Variants in DCC observed in about 807,000 individuals in gnomAD.
DCC encodes the protein DCC netrin 1 receptor.
Under a neutral mutation model 172.5 loss-of-function variants are expected in DCC, and 58 were observed. The observed-to-expected ratio is 0.34, with a 90% confidence interval of 0.27 to 0.42. The LOEUF is 0.42. Ranked by LOEUF, DCC falls within the 10% of genes least tolerant of loss-of-function variation. The pLI is 1.00. For synonymous variants in DCC, 709 were observed against 644.5 expected (o/e 1.10, Z -1.52); for missense variants, 1,740 against 1,791.0 (o/e 0.97, Z 0.51).
At chr18:52,786,245 A>C (rs988013914) in intron 2 of DCC, among the ~76,000 whole-genome samples, 1 of 151,546 alleles carries the variant, frequency 6.6e-6, no homozygotes, top group African/African-American at 2.4e-5. Flanking sequence ...TTGCAGGATA[A>C]TTGCTCAGAA....
chr18:53,219,597 G>A (rs982922403), intron 12 of DCC, among the ~76,000 whole-genome samples: 2 of 152,034 alleles, frequency 1.3e-5, no homozygotes, highest in African/African-American at 4.8e-5. Flanking sequence ...AACACCAGAT[G>A]CATCTATGTG....
chr18:52,601,973 T>C (rs2034027110), intron 1 of DCC, among the ~76,000 whole-genome samples: 1 of 152,108 alleles, frequency 6.6e-6, no homozygotes, highest in Admixed American at 6.6e-5. Flanking sequence ...GCTCTTGCTC[T>C]TCTGTGAATT....
chr18:53,116,418 A>G (rs1457518406), intron 7 of DCC, among the ~76,000 whole-genome samples: 1 of 151,708 alleles, frequency 6.6e-6, no homozygotes, highest in Non-Finnish European at 1.5e-5. Context: ...TATGGAGAGG[A>G]TATTTCCTGT....
At chr18:52,908,493 G>T (rs1240544380) in intron 3 of DCC, among the ~76,000 whole-genome samples, 1 of 152,274 alleles carries the variant, frequency 6.6e-6, no homozygotes, top group Admixed American at 6.5e-5. Flanking sequence ...GGAAGCCAAG[G>T]TAAGCTGCAT....
In DCC at chr18:52,340,617, C is replaced by A. The variant is rs1983582433; in HGVS notation, c.-171C>A. The A allele has an allele frequency of 1.4e-6, 1 of 719,078 alleles. No homozygotes were observed. Among genetic ancestry groups the A allele is most frequent in the Non-Finnish European group, 2.5e-6 (1 of 392,902 alleles). 44.5% of individuals were successfully genotyped at this position (719,078 alleles called of 1,614,324 possible). ...TGGACAAGGAAAAAGGCTTCGAAGGCAGCAGAGGCGCAGGGGAGGTGGAGA... is the reference window on the plus strand; with the variant it reads ...TGGACAAGGAAAAAGGCTTCGAAGGAAGCAGAGGCGCAGGGGAGGTGGAGA... On this transcript the variant is annotated 5_prime_UTR_variant, in exon 1 of 29. Coordinates refer to ENST00000442544, the MANE Select transcript of DCC (RefSeq NM_005215.4).
At chr18:52,862,135 A>G (rs1163680348) in intron 2 of DCC, among the ~76,000 whole-genome samples, 1 of 152,164 alleles carries the variant, frequency 6.6e-6, no homozygotes, top group Non-Finnish European at 1.5e-5. Context: ...AGTTAACTCC[A>G]TATTTTGACA....
At chr18:52,821,261 A>G (rs143556725) in intron 2 of DCC, among the ~76,000 whole-genome samples, 24 of 152,196 alleles carry the variant, frequency 1.6e-4, no homozygotes, top group African/African-American at 5.5e-4. Flanking sequence ...CGTTACTTCT[A>G]TCTAAACAAC....
At chr18:53,232,610 G>T (rs2056140140) in intron 12 of DCC, among the ~76,000 whole-genome samples, 1 of 152,084 alleles carries the variant, frequency 6.6e-6, no homozygotes, top group African/African-American at 2.4e-5. Flanking sequence ...GGTACCTTGT[G>T]TCTTCATGCA....
intron 12 of DCC, among the ~76,000 whole-genome samples, chr18:53,299,834 G>A (rs1312768813): frequency 6.6e-6 from 1 of 152,186 alleles, no homozygotes; most frequent in African/African-American, 2.4e-5. Flanking sequence ...TTGGATACAT[G>A]TCTATTTTAT....
chr18:52,480,549 A>G (rs1423063459), intron 1 of DCC, among the ~76,000 whole-genome samples: 1 of 152,214 alleles, frequency 6.6e-6, no homozygotes, highest in Non-Finnish European at 1.5e-5. Context: ...AAACAGTGAT[A>G]AAATTAATAG....
chr18:53,362,668 C>T (rs1001296571), intron 15 of DCC, among the ~76,000 whole-genome samples: 2 of 151,990 alleles, frequency 1.3e-5, no homozygotes, highest in African/African-American at 4.8e-5. Flanking sequence ...TCTGAATAGG[C>T]TATCATCATC....
rs376027816 is a variant in DCC, at chr18:52,917,136, AC to A, written c.698-6570del. Among the ~76,000 whole-genome samples the A allele has an allele frequency of 3.7e-4, 53 of 143,894 alleles. 1 individual carries two copies. Among genetic ancestry groups the A allele is most frequent in the African/African-American group, 1.2e-3 (45 of 36,122 alleles). 94.4% of individuals were successfully genotyped at this position (143,894 alleles called of 152,430 possible). A position where few individuals can be genotyped will look rare whatever the true frequency, so the allele number is the denominator to read the frequency against. The stretch of plus-strand genomic sequence containing the variant: ...CGTCTCAAAAAAAAAAAAAAAGAAA[AC>A]AAAAAAAAAAAAACAAGAAAAAAAT... On this transcript the variant is annotated intron_variant, in intron 3 of 28. Coordinates refer to ENST00000442544, the MANE Select transcript of DCC (RefSeq NM_005215.4).
At chr18:52,700,002 G>C (rs1047885869) in intron 1 of DCC, among the ~76,000 whole-genome samples, 2 of 151,238 alleles carry the variant, frequency 1.3e-5, no homozygotes, top group African/African-American at 4.9e-5. Context: ...TAAATTAAGA[G>C]TAGAGCAATG....
At chr18:53,292,764 A>G (rs2057021403) in intron 12 of DCC, among the ~76,000 whole-genome samples, 1 of 152,246 alleles carries the variant, frequency 6.6e-6, no homozygotes, top group African/African-American at 2.4e-5. Context: ...GAGAAGCAAA[A>G]GAACATTTCT....
intron 7 of DCC, among the ~76,000 whole-genome samples, chr18:53,126,166 A>T (rs1160905709): frequency 6.6e-6 from 1 of 152,096 alleles, no homozygotes; most frequent in Admixed American, 6.6e-5. Context: ...AAAAACCAGA[A>T]TGTGGTATTC....
intron 1 of DCC, among the ~76,000 whole-genome samples, chr18:52,471,455 G>T (rs1988943260): frequency 6.6e-6 from 1 of 152,194 alleles, no homozygotes; most frequent in Non-Finnish European, 1.5e-5. Flanking sequence ...TTATGCTTCA[G>T]CATTTTGATT....
chr18:52,768,072 C>T (rs1348493760), intron 2 of DCC, among the ~76,000 whole-genome samples: 1 of 152,168 alleles, frequency 6.6e-6, no homozygotes, highest in Non-Finnish European at 1.5e-5. Context: ...TTTTAATTTT[C>T]TTCTATGCCA....
At chr18:52,618,968 G>T (rs1310804119) in intron 1 of DCC, among the ~76,000 whole-genome samples, 1 of 152,036 alleles carries the variant, frequency 6.6e-6, no homozygotes, top group African/African-American at 2.4e-5. Context: ...CACAGAGTTT[G>T]CATTTGTCGC....
chr18:52,558,505 A>G (rs1598912273), intron 1 of DCC, among the ~76,000 whole-genome samples: 1 of 152,184 alleles, frequency 6.6e-6, no homozygotes, highest in African/African-American at 2.4e-5. Context: ...CAGTGAGATG[A>G]ACATATTCCT....
Sources: gnomAD v4.1 joint callset for allele counts (sites outside exome capture counted in the v4.1 genomes callset) on GRCh38, gnomAD v4.1.1 for gene constraint, MANE v1.5 for transcripts, NCBI Gene and HGNC (gene_info 2026-07-23, HGNC 2026-07-21) for gene names.